SULF1: variants seen among roughly 807,000 people sequenced by gnomAD.
SULF1 encodes sulfatase 1, also known as extracellular sulfatase Sulf-1.
SULF1 carries 46 observed loss-of-function variants against 110.5 expected under a neutral mutation model. The observed-to-expected ratio is 0.42, with a 90% CI of 0.33 to 0.53. The LOEUF (loss-of-function observed/expected upper bound fraction) is 0.53. Ranked by LOEUF, SULF1 falls within the 20% of genes least tolerant of loss-of-function variation. The pLI is 0.12. For missense variants in SULF1, 941 were observed against 1,094.2 expected (o/e 0.86, Z 1.98); for synonymous variants, 371 against 387.1 (o/e 0.96, Z 0.49).
At chr8:69,566,906 C>T (rs1351694843) in intron 5 of SULF1, among the ~76,000 whole-genome samples, 1 of 152,230 alleles carries the variant, frequency 6.6e-6, no homozygotes, top group Non-Finnish European at 1.5e-5. Context: ...GAAGTAGTTA[C>T]TATTCTCTCT....
chr8:69,576,885 T>G (rs947976403), intron 6 of SULF1, among the ~76,000 whole-genome samples: 1 of 152,268 alleles, frequency 6.6e-6, no homozygotes, highest in Admixed American at 6.5e-5. Flanking sequence ...AAATATGTTA[T>G]GATTAAAGCT....
At chr8:69,596,159 T>A (rs751795591) in intron 8 of SULF1, among the ~76,000 whole-genome samples, 7 of 152,132 alleles carry the variant, frequency 4.6e-5, no homozygotes, top group Non-Finnish European at 1.0e-4. Context: ...TGGGAAAAGC[T>A]AAACTTTTAT....
At chr8:69,591,807 A>G (rs1231858030) in intron 8 of SULF1, among the ~76,000 whole-genome samples, 1 of 152,162 alleles carries the variant, frequency 6.6e-6, no homozygotes. Context: ...ACAAAATTTT[A>G]TTGACACACA....
At chr8:69,621,311 G>C (rs1809589002) in intron 14 of SULF1, 60 bp downstream of exon 14, 2 of 1,315,704 alleles carry the variant, frequency 1.5e-6, no homozygotes, top group South Asian at 1.5e-5. Flanking sequence ...ATAAACAATA[G>C]AGAGACGAAA....
chr8:69,648,246 T>C (rs114232922), intron 22 of SULF1, among the ~76,000 whole-genome samples: 1,816 of 152,120 alleles, frequency 0.012, 34 homozygotes, highest in African/African-American at 0.042. Flanking sequence ...TTGTGAAGTT[T>C]AAATTAGTAC....
chr8:69,470,112 C>T (rs531236709), intron 1 of SULF1, among the ~76,000 whole-genome samples: 1 of 152,290 alleles, frequency 6.6e-6, no homozygotes, highest in South Asian at 2.1e-4. Context: ...TTTCCCCAAC[C>T]ATCGCCACAT....
rs191954863 is a variant in SULF1, at chr8:69,658,825, G to C, written c.*290G>C. On this transcript the variant is annotated 3_prime_UTR_variant, in exon 23 of 23. Transcript: ENST00000402687. ...CTCAGATGAAGACCCAAGGCATAAG[G>C]TTGGGAAAACACCTCATTTGACCTT... is the stretch of plus-strand genomic sequence containing the variant. The C allele has an allele frequency of 3.4e-6, 2 of 593,516 alleles. No individual in the cohort carries two copies. Among genetic ancestry groups the C allele is most frequent in the Admixed American group, 2.1e-5 (1 of 46,606 alleles). The allele number at this position is 593,516 out of a possible 1,614,324, so 36.8% of individuals were successfully genotyped here.
chr8:69,514,596 C>T (rs1490589498), intron 3 of SULF1, among the ~76,000 whole-genome samples: 1 of 152,194 alleles, frequency 6.6e-6, no homozygotes, highest in Non-Finnish European at 1.5e-5. Flanking sequence ...CCCAATAGCC[C>T]CCTAAAGTGG....
intron 22 of SULF1, 72 bp from the exon 23 acceptor site, chr8:69,658,433 G>C: frequency 1.8e-6 from 2 of 1,090,584 alleles, no homozygotes; most frequent in South Asian, 3.0e-5. Flanking sequence ...TAAAAACAAT[G>C]TAAGTTGCTT....
intron 1 of SULF1, among the ~76,000 whole-genome samples, chr8:69,467,901 G>C (rs1054262119): frequency 6.6e-6 from 1 of 152,092 alleles, no homozygotes; most frequent in East Asian, 1.9e-4. Flanking sequence ...TAGCCGTAAC[G>C]GCTCTACCAA....
At chr8:69,625,686 G>A (rs1006595951) in intron 15 of SULF1, among the ~76,000 whole-genome samples, 3 of 152,226 alleles carry the variant, frequency 2.0e-5, no homozygotes, top group Non-Finnish European at 4.4e-5. Context: ...TCTTCGCGGT[G>A]AGTGTTACAG....
chr8:69,567,114 A>C (rs1461150262), intron 5 of SULF1, among the ~76,000 whole-genome samples: 1 of 152,176 alleles, frequency 6.6e-6, no homozygotes, highest in Admixed American at 6.5e-5. Context: ...ATAATATTTT[A>C]GGTTCTGGGA....
chr8:69,632,890 G>A (rs1810689497), intron 19 of SULF1, among the ~76,000 whole-genome samples: 1 of 152,004 alleles, frequency 6.6e-6, no homozygotes, highest in African/African-American at 2.4e-5. Context: ...GCCGGGCTTG[G>A]TGGTGCCCGC....
chr8:69,545,661 T>TTTTTGTTTTG (rs1156695624), intron 3 of SULF1, among the ~76,000 whole-genome samples: 1 of 152,080 alleles, frequency 6.6e-6, no homozygotes, highest in African/African-American at 2.4e-5. Context: ...TTTTTGGGTT[T>TTTTTGTTTTG]TTTTGTTTTG....
chr8:69,536,659 C>A (rs1047691799), intron 3 of SULF1, among the ~76,000 whole-genome samples: 14 of 152,220 alleles, frequency 9.2e-5, no homozygotes, highest in African/African-American at 3.1e-4. Flanking sequence ...AAGGATGGAG[C>A]CCCGAAGCAC....
chr8:69,528,333 A>T (rs1230320153), intron 3 of SULF1, among the ~76,000 whole-genome samples: 1 of 152,176 alleles, frequency 6.6e-6, no homozygotes, highest in Admixed American at 6.5e-5. Context: ...AGTTGTAGGG[A>T]TGGGTTTGAG....
chr8:69,551,090 G>A (rs1269393308), intron 3 of SULF1, among the ~76,000 whole-genome samples: 1 of 152,220 alleles, frequency 6.6e-6, no homozygotes, highest in Non-Finnish European at 1.5e-5. Context: ...GAGGCTATAG[G>A]TGATGAAAGG....
rs1449845830 is a variant in SULF1, at chr8:69,616,125, TGTG to T, written c.1378-4909_1378-4907del. 4.9e-3 allele frequency among the ~76,000 whole-genome samples: 637 copies of T among 130,998 alleles called. 6 individuals carry two copies. Among genetic ancestry groups the T allele is most frequent in the Non-Finnish European group, 8.1e-3 (483 of 59,958 alleles). The allele number at this position is 130,998 out of a possible 152,430, so 85.9% of individuals were successfully genotyped here. On this transcript the variant is annotated intron_variant, in intron 13 of 22. Transcript: ENST00000402687. ...CACATATATGTGTGTGTATATATAATGTGTATATATATACACACATATATGTGT... is the reference window on the plus strand; with the variant it reads ...CACATATATGTGTGTGTATATATAATTATATATATACACACATATATGTGT...
intron 3 of SULF1, among the ~76,000 whole-genome samples, chr8:69,523,640 T>G (rs2150620221): frequency 6.6e-6 from 1 of 151,976 alleles, no homozygotes; most frequent in South Asian, 2.1e-4. Flanking sequence ...TTGAGAATGT[T>G]TACAAAGGAC....
Sources: allele counts gnomAD v4.1 joint callset (sites outside exome capture counted in the v4.1 genomes callset), GRCh38; gene constraint gnomAD v4.1.1; transcripts MANE v1.5; gene names NCBI Gene and HGNC (gene_info 2026-07-23, HGNC 2026-07-21).